USH2A: variants seen among roughly 807,000 people sequenced by gnomAD.
USH2A encodes Usher syndrome 2A (autosomal recessive, mild).
In USH2A, 443 loss-of-function variants were observed where a neutral mutation model predicts 538.9. The observed-to-expected ratio is 0.82, with a 90% CI of 0.76 to 0.89. USH2A has a LOEUF of 0.89. Among genes scored for constraint, USH2A ranks in the 40% least tolerant of loss-of-function variants. The probability of loss-of-function intolerance (pLI) is 0.00; values close to 1 mark genes in which losing one functional copy is unlikely to be tolerated. For missense variants in USH2A, 6,633 were observed against 6,324.8 expected (o/e 1.05, Z -1.65); for synonymous variants, 2,413 against 2,273.5 (o/e 1.06, Z -1.75).
intron 49 of USH2A, 31 bp downstream of exon 49, chr1:215,813,705 G>GT (rs1385634578): frequency 4.3e-6 from 7 of 1,613,340 alleles, no homozygotes; most frequent in Non-Finnish European, 5.9e-6. Context: ...GGTTCCCATA[G>GT]TTTTTGAGTA....
chr1:215,947,777 G>T (rs1166675995), intron 37 of USH2A, among the ~76,000 whole-genome samples: 3 of 151,938 alleles, frequency 2.0e-5, no homozygotes, highest in Admixed American at 6.6e-5. Flanking sequence ...GCATAAAAAA[G>T]CTTTTAAAAA....
intron 4 of USH2A, among the ~76,000 whole-genome samples, chr1:216,355,378 G>A (rs12091422): frequency 0.067 from 7,587 of 112,444 alleles, 292 homozygotes; most frequent in African/African-American, 0.11. Context: ...AAAGAAAGAA[G>A]GAAAGAAACA....
At chr1:216,118,231 CTAT>C (rs1180227980) in intron 21 of USH2A, among the ~76,000 whole-genome samples, 1 of 152,078 alleles carries the variant, frequency 6.6e-6, no homozygotes, top group Admixed American at 6.6e-5. Context: ...TAAGTATTAG[CTAT>C]TATTATTAAA....
intron 38 of USH2A, among the ~76,000 whole-genome samples, chr1:215,921,710 T>G (rs1164800322): frequency 4.3e-4 from 66 of 152,072 alleles, no homozygotes; most frequent in Non-Finnish European, 8.8e-5. Context: ...TCTCTAGGTT[T>G]AAATACAGTG....
At chr1:216,005,413 G>A (rs1668369267) in intron 32 of USH2A, among the ~76,000 whole-genome samples, 1 of 152,008 alleles carries the variant, frequency 6.6e-6, no homozygotes, top group African/African-American at 2.4e-5. Context: ...ATCCTTCCCA[G>A]GAGAATGTAA....
chr1:216,374,991 C>A (rs1341713504), intron 3 of USH2A, among the ~76,000 whole-genome samples: 2 of 152,052 alleles, frequency 1.3e-5, no homozygotes, highest in South Asian at 4.1e-4. Flanking sequence ...CAGGCCCACT[C>A]TCTCCCCTCA....
intron 54 of USH2A, 32 bp downstream of exon 54, chr1:215,782,010 C>T: frequency 6.2e-7 from 1 of 1,613,444 alleles, no homozygotes; most frequent in Non-Finnish European, 8.5e-7. Context: ...CACTGAACCC[C>T]TTTTCCCAGA....
intron 32 of USH2A, among the ~76,000 whole-genome samples, chr1:216,027,805 A>G (rs1214207163): frequency 1.3e-5 from 2 of 152,184 alleles, no homozygotes; most frequent in Admixed American, 1.3e-4. Flanking sequence ...CCAAGAATAC[A>G]TTGATAATGC....
intron 21 of USH2A, among the ~76,000 whole-genome samples, chr1:216,135,945 T>C (rs1025627138): frequency 1.5e-5 from 2 of 135,012 alleles, no homozygotes; most frequent in East Asian, 1.9e-4. Flanking sequence ...TCATTAAAAG[T>C]ATATATATAT....
At chr1:216,207,248 T>C (rs891303324) in intron 16 of USH2A, 25 bp downstream of exon 16, 1 of 1,613,336 alleles carries the variant, frequency 6.2e-7, no homozygotes, top group African/African-American at 1.3e-5. Context: ...AATATTTATT[T>C]CTATTACCAA....
chr1:216,196,679 C>A lies in USH2A; in HGVS notation c.4125G>T (p.Ser1375=). Residue 1375 remains serine, a synonymous_variant, in exon 19 of 72, where the codon TCG becomes TCT. Transcript: ENST00000307340. ...TCTCCCAGGAGATATTGAGAGAGTA[C>A]GAAGAGAGGGGAAAGACTGAAGGAG... ...MIPPSVFPLS[S]YSLNISWEKP... is the part of the protein sequence containing the mutation. The A allele has an allele frequency of 6.2e-7, 1 of 1,613,132 alleles. No individual in the cohort carries two copies. Among genetic ancestry groups the A allele is most frequent in the Non-Finnish European group, 8.5e-7 (1 of 1,179,586 alleles).
At chr1:215,932,530 CAT>C (rs1278578059) in intron 38 of USH2A, among the ~76,000 whole-genome samples, 1 of 151,916 alleles carries the variant, frequency 6.6e-6, no homozygotes, top group Admixed American at 6.6e-5. Context: ...GCCACAAGGT[CAT>C]AAAAAAGATA....
chr1:215,846,909 C>A (rs1303205990), intron 44 of USH2A, among the ~76,000 whole-genome samples: 1 of 152,174 alleles, frequency 6.6e-6, no homozygotes, highest in Non-Finnish European at 1.5e-5. Context: ...AGCAGGGCTA[C>A]ATAGCATGCT....
rs115071888 is a variant in USH2A at position 216,108,641 on chromosome 1, T to C, written c.4628-11428A>G. Among the ~76,000 whole-genome samples the C allele has an allele frequency of 7.9e-3, 1,201 of 152,166 alleles. 17 individuals are homozygous for C. The highest frequency in any genetic ancestry group is 0.027 in the African/African-American group (1,138 of 41,568). On this transcript the variant is annotated intron_variant, in intron 21 of 71. Coordinates refer to ENST00000307340, the MANE Select transcript of USH2A (RefSeq NM_206933.4). ...ACATGTTATCGATCTGTTTATTTTT[T>C]AACCTATTTTTCTCTTCATTTTTCT...
rs936687112 is a variant in USH2A at position 216,050,761 on chromosome 1, C to T, written c.6050-2114G>A. 1.1e-4 allele frequency among the ~76,000 whole-genome samples: 16 copies of T among 150,962 alleles called. No individual in the cohort carries two copies. In the East Asian group the frequency reaches 2.2e-3, roughly 20 times the overall value. On this transcript the variant is annotated intron_variant, in intron 30 of 71. Coordinates refer to ENST00000307340, the MANE Select transcript of USH2A (RefSeq NM_206933.4). ...CTGGGACTACAGGCGCCCGCCACCA[C>T]GCCCGGCTAATTTTTTTGTATTTTT...
At chr1:216,288,048 A>G (rs1441672189) in intron 11 of USH2A, among the ~76,000 whole-genome samples, 3 of 152,186 alleles carry the variant, frequency 2.0e-5, no homozygotes, top group Non-Finnish European at 4.4e-5. Flanking sequence ...TGAGAGTAAC[A>G]TGGTGATATG....
At chr1:215,653,029 A>T (rs1466316633) in intron 64 of USH2A, among the ~76,000 whole-genome samples, 5 of 152,226 alleles carry the variant, frequency 3.3e-5, no homozygotes, top group African/African-American at 1.2e-4. Context: ...GAGATGAAAT[A>T]AGCATAATTC....
intron 14 of USH2A, among the ~76,000 whole-genome samples, chr1:216,221,232 C>G (rs924812299): frequency 6.6e-6 from 1 of 152,152 alleles, no homozygotes; most frequent in Non-Finnish European, 1.5e-5. Context: ...CTCTGTCCCC[C>G]TGGCTAACCT....
At chr1:215,690,963 A>C (rs1658581977) in intron 61 of USH2A, among the ~76,000 whole-genome samples, 1 of 152,096 alleles carries the variant, frequency 6.6e-6, no homozygotes, top group Admixed American at 6.5e-5. Context: ...GGCTCACTGC[A>C]ACCTCCACCT....
Sources: gnomAD v4.1 joint callset for allele counts (sites outside exome capture counted in the v4.1 genomes callset) on GRCh38, gnomAD v4.1.1 for gene constraint, MANE v1.5 for transcripts, NCBI Gene and HGNC (gene_info 2026-07-23, HGNC 2026-07-21) for gene names.